STPG2: variants seen among roughly 807,000 people sequenced by gnomAD.
The protein encoded by STPG2 is sperm-tail PG-rich repeat-containing protein 2.
A neutral mutation model predicts 54.2 loss-of-function variants in STPG2; 56 were observed. That is an observed-to-expected ratio of 1.03 (90% CI 0.83 to 1.29). The LOEUF is 1.29. Ranked by LOEUF, STPG2 falls within the 50% of genes most tolerant of loss-of-function variation. The probability of loss-of-function intolerance (pLI) is 0.00; values close to 1 mark genes in which losing one functional copy is unlikely to be tolerated. For missense variants in STPG2, 596 were observed against 544.9 expected (o/e 1.09, Z -0.93); for synonymous variants, 200 against 181.8 (o/e 1.10, Z -0.81).
chr4:97,563,618 C>G (rs1345472175), intron 10 of STPG2, among the ~76,000 whole-genome samples: 1 of 152,134 alleles, frequency 6.6e-6, no homozygotes, highest in Non-Finnish European at 1.5e-5. Context: ...GAATGAGTCC[C>G]AGAGATTCTT....
chr4:97,779,578 G>A (rs1355759534), intron 9 of STPG2, among the ~76,000 whole-genome samples: 1 of 152,054 alleles, frequency 6.6e-6, no homozygotes, highest in Non-Finnish European at 1.5e-5. Context: ...GACATACAGA[G>A]ACCACCACAA....
chr4:97,782,943 A>G (rs1275865661), intron 9 of STPG2, among the ~76,000 whole-genome samples: 1 of 152,244 alleles, frequency 6.6e-6, no homozygotes, highest in Non-Finnish European at 1.5e-5. Flanking sequence ...GATGGATTAA[A>G]GACTTCAATG....
intron 4 of STPG2, among the ~76,000 whole-genome samples, chr4:97,538,355 T>C (rs1055909594): frequency 4.6e-5 from 7 of 152,246 alleles, no homozygotes; most frequent in Admixed American, 3.3e-4. Context: ...AATAACCTAA[T>C]GGAGCTGAAA....
intron 5 of STPG2, among the ~76,000 whole-genome samples, chr4:98,036,868 A>G (rs1446008381): frequency 6.6e-6 from 1 of 152,124 alleles, no homozygotes; most frequent in Non-Finnish European, 1.5e-5. Context: ...AAGAATAAAA[A>G]ATCAACACAA....
intron 10 of STPG2, among the ~76,000 whole-genome samples, chr4:97,646,504 A>T (rs1721914928): frequency 6.6e-6 from 1 of 152,106 alleles, no homozygotes; most frequent in African/African-American, 2.4e-5. Context: ...CTGAACATAG[A>T]TCTATAATGG....
intron 9 of STPG2, among the ~76,000 whole-genome samples, chr4:97,734,180 T>C (rs1234989716): frequency 6.6e-6 from 1 of 152,216 alleles, no homozygotes; most frequent in East Asian, 1.9e-4. Flanking sequence ...GGAATATTCC[T>C]CCTATTCCTA....
chr4:97,804,980 C>T (rs114629561), intron 9 of STPG2, among the ~76,000 whole-genome samples: 2,149 of 152,182 alleles, frequency 0.014, 48 homozygotes, highest in African/African-American at 0.048. Flanking sequence ...TGTGTAATTA[C>T]GCTCTATGAT....
intron 5 of STPG2, among the ~76,000 whole-genome samples, chr4:98,087,955 A>G (rs1738573875): frequency 6.6e-6 from 1 of 152,242 alleles, no homozygotes; most frequent in South Asian, 2.1e-4. Flanking sequence ...TGGCAGAAAC[A>G]GACATGGGAA....
rs774062508 is a variant in STPG2 at position 97,668,282 on chromosome 4, T to C, written c.1320+44417A>G. On this transcript the variant is annotated intron_variant, in intron 10 of 10. Transcript: ENST00000295268. ...TCTGGAATTAGCCAGCAGTCCTCCA[T>C]AGGAAATTGCTAGGAAATGAGACTG... Among the ~76,000 whole-genome samples the C allele has an allele frequency of 5.3e-5, 8 of 152,042 alleles. No individual in the cohort carries two copies. The South Asian group carries it at 8.3e-4, about 16-fold the overall frequency.
intron 9 of STPG2, among the ~76,000 whole-genome samples, chr4:97,782,141 T>C (rs1726650277): frequency 6.6e-6 from 1 of 152,176 alleles, no homozygotes; most frequent in Non-Finnish European, 1.5e-5. Flanking sequence ...GAAGTCAAAT[T>C]GTCCCTGTTT....
intron 5 of STPG2, among the ~76,000 whole-genome samples, chr4:98,085,586 T>G (rs13102652): frequency 0.4 from 60,088 of 151,846 alleles, 12,129 homozygotes; most frequent in Middle Eastern, 0.46. Context: ...TTTATACTTT[T>G]TGTGCAGAGG....
chr4:97,941,272 G>GA (rs1037833860), intron 8 of STPG2, among the ~76,000 whole-genome samples: 57 of 150,076 alleles, frequency 3.8e-4, no homozygotes, highest in Non-Finnish European at 5.6e-4. Context: ...TTCTGAAAAT[G>GA]AAAAAAAAAG....
At chr4:97,788,596 T>C (rs1449977343) in intron 9 of STPG2, among the ~76,000 whole-genome samples, 1 of 152,146 alleles carries the variant, frequency 6.6e-6, no homozygotes, top group African/African-American at 2.4e-5. Context: ...TATCCAGCAG[T>C]GGGACTGCTA....
At chr4:97,843,385 T>C (rs868561336) in intron 8 of STPG2, among the ~76,000 whole-genome samples, 1 of 151,864 alleles carries the variant, frequency 6.6e-6, no homozygotes. Flanking sequence ...GACTTCCTCA[T>C]CTGGAAAACC....
chr4:97,767,422 G>C (rs1000589716), intron 9 of STPG2, among the ~76,000 whole-genome samples: 2 of 152,048 alleles, frequency 1.3e-5, no homozygotes, highest in Non-Finnish European at 2.9e-5. Flanking sequence ...ATAATACAGA[G>C]AGTCTGAATC....
chr4:97,607,611 C>T (rs980300247), intron 10 of STPG2, among the ~76,000 whole-genome samples: 2 of 151,952 alleles, frequency 1.3e-5, no homozygotes, highest in Admixed American at 6.6e-5. Flanking sequence ...AAATACATTG[C>T]CCGAACTAAC....
At chr4:97,829,349 T>C (rs1728367462) in intron 9 of STPG2, among the ~76,000 whole-genome samples, 3 of 151,832 alleles carry the variant, frequency 2.0e-5, no homozygotes, top group Admixed American at 2.0e-4. Context: ...GGACATCTAC[T>C]CAGAGACACC....
chr4:97,789,252 GT>G (rs1175046451), intron 9 of STPG2, among the ~76,000 whole-genome samples: 1 of 151,716 alleles, frequency 6.6e-6, no homozygotes, highest in Non-Finnish European at 1.5e-5. Flanking sequence ...TTTGATTATG[GT>G]ATTCAAATAA....
intron 1 of STPG2, among the ~76,000 whole-genome samples, chr4:98,138,410 T>C (rs960343570): frequency 5.3e-5 from 8 of 151,950 alleles, no homozygotes; most frequent in African/African-American, 1.2e-4. Flanking sequence ...TTGGGATATA[T>C]TGAGTTTGAG....
Sources: gnomAD v4.1 joint callset for allele counts (sites outside exome capture counted in the v4.1 genomes callset) on GRCh38, gnomAD v4.1.1 for gene constraint, MANE v1.5 for transcripts, NCBI Gene and HGNC (gene_info 2026-07-23, HGNC 2026-07-21) for gene names.